The following WNT2 variants were observed in gnomAD, a reference collection of about 807,000 sequenced individuals.
WNT2 encodes Wnt family member 2.
A neutral mutation model predicts 36.9 loss-of-function variants in WNT2; 12 were observed. The ratio of observed to expected loss-of-function variants is 0.33; its 90% CI spans 0.21 to 0.53. WNT2 has a LOEUF of 0.53. Among genes scored for constraint, WNT2 ranks in the 20% least tolerant of loss-of-function variants. The pLI, the probability that WNT2 is intolerant of heterozygous loss-of-function variation, is 0.95. For missense variants in WNT2, 379 were observed against 473.1 expected (o/e 0.80, Z 1.84); for synonymous variants, 163 against 174.6 (o/e 0.93, Z 0.52).
intron 1 of WNT2, among the ~76,000 whole-genome samples, chr7:117,321,604 C>T (rs1035405488): frequency 6.6e-6 from 1 of 152,220 alleles, no homozygotes; most frequent in South Asian, 2.1e-4. Flanking sequence ...TCTTTTGAAG[C>T]GATCAAACAA....
intron 2 of WNT2, among the ~76,000 whole-genome samples, chr7:117,319,531 G>A (rs886260852): frequency 4.1e-5 from 6 of 145,636 alleles, no homozygotes; most frequent in African/African-American, 1.5e-4. Flanking sequence ...TTGGGGGGGG[G>A]GGTAGGCAAA....
At chr7:117,300,790 C>T (rs1010556171) in intron 3 of WNT2, 1 of 152,176 alleles carries the variant, frequency 6.6e-6, no homozygotes, top group African/African-American at 2.4e-5. Context: ...CAGAGTGAGA[C>T]CTTGTCTCAA....
At chr7:117,307,319 G>A (rs1370546250) in intron 3 of WNT2, among the ~76,000 whole-genome samples, 2 of 152,116 alleles carry the variant, frequency 1.3e-5, no homozygotes, top group Admixed American at 6.6e-5. Context: ...TACCACGTAA[G>A]GTATATACTA....
intron 4 of WNT2, among the ~76,000 whole-genome samples, chr7:117,292,418 G>A (rs190722284): frequency 1.1e-3 from 174 of 152,242 alleles, no homozygotes; most frequent in African/African-American, 4.1e-3. Flanking sequence ...TAACTTTGCG[G>A]AACCTCACTT....
chr7:117,317,590 G>A (rs527909220), intron 2 of WNT2, among the ~76,000 whole-genome samples: 3 of 152,310 alleles, frequency 2.0e-5, no homozygotes, highest in African/African-American at 7.2e-5. Flanking sequence ...CATTTCAAGA[G>A]CTGGCTTTGT....
At position 117,278,394 on chromosome 7, in the gene WNT2, A is replaced by G; in HGVS notation, c.854-10T>C. 2.5e-6 allele frequency: 4 copies of G among 1,610,364 alleles called. No homozygotes were observed. The highest frequency in any genetic ancestry group is 3.4e-6 in the Non-Finnish European group (4 of 1,178,170). Reference sequence around the variant, plus strand: ...GCTGTACCCAGGGAGCCTGGAAGACAAGCCAGGGAGTGTTACTGAAAAGGT... The same window carrying G: ...GCTGTACCCAGGGAGCCTGGAAGACGAGCCAGGGAGTGTTACTGAAAAGGT... On this transcript the variant is annotated splice_polypyrimidine_tract_variant and intron_variant, in intron 4 of 4. Transcript: ENST00000265441.
At chr7:117,315,382 G>A (rs766933536) in intron 2 of WNT2, 34 bp from the exon 3 acceptor site, 15 of 1,587,094 alleles carry the variant, frequency 9.5e-6, no homozygotes, top group South Asian at 3.5e-5. Flanking sequence ...AAAGTGGTCC[G>A]GTAGCACTAT....
Position 117,277,093 on chromosome 7 carries a change from A to G in WNT2, c.*1062T>C, listed in dbSNP as rs1177200615. The G allele has an allele frequency of 2.0e-5, 3 of 152,762 alleles. No homozygotes were observed. Among genetic ancestry groups the G allele is most frequent in the African/African-American group, 4.8e-5 (2 of 41,450 alleles). The allele number at this position is 152,762 out of a possible 1,614,324, so 9.5% of individuals were successfully genotyped here. Reference sequence around the variant, plus strand: ...GCCGACTTCTTTCAGGCATCTGCTTATTGTAAGGCCGCCCCAGGCACGAGT... The same window carrying G: ...GCCGACTTCTTTCAGGCATCTGCTTGTTGTAAGGCCGCCCCAGGCACGAGT... On this transcript the variant is annotated 3_prime_UTR_variant, in exon 5 of 5. Transcript: ENST00000265441.
chr7:117,308,511 T>C (rs1022562388), intron 3 of WNT2, among the ~76,000 whole-genome samples: 1 of 152,228 alleles, frequency 6.6e-6, no homozygotes, highest in Non-Finnish European at 1.5e-5. Context: ...TTGGTTCATA[T>C]GATAAATAAA....
chr7:117,277,787 C>A lies in WNT2; in HGVS notation c.*368G>T, dbSNP rs1175043341. On this transcript the variant is annotated 3_prime_UTR_variant, in exon 5 of 5. Transcript: ENST00000265441. ...TTGTGGGAAGACATTGAGAAAGCTC[C>A]TTTGAGACACTTTTTTTTCTGCTTG... The A allele has an allele frequency of 2.8e-5, 6 of 217,084 alleles. No homozygotes were observed. Among genetic ancestry groups the A allele is most frequent in the Non-Finnish European group, 5.6e-5 (6 of 108,038 alleles). 13.4% of individuals were successfully genotyped at this position (217,084 alleles called of 1,614,324 possible).
chr7:117,301,802 C>CTTTTT lies in WNT2; in HGVS notation c.589-3931_589-3927dup, dbSNP rs1181700612. On this transcript the variant is annotated intron_variant, in intron 3 of 4. Transcript: ENST00000265441. ...ATTATGCATTCTGTTTCCCTCCATT[C>CTTTTT]TTTTTTTTTTTTTTTTTTTTTTGAG... Among the ~76,000 whole-genome samples the CTTTTT allele has an allele frequency of 1.1e-3, 122 of 112,482 alleles. 1 individual carries two copies. The highest frequency in any genetic ancestry group is 2.3e-3 in the African/African-American group (64 of 27,790). The allele number at this position is 112,482 out of a possible 152,430, so 73.8% of individuals were successfully genotyped here. A position where few individuals can be genotyped will look rare whatever the true frequency, so the allele number is the denominator to read the frequency against.
intron 4 of WNT2, among the ~76,000 whole-genome samples, chr7:117,286,651 A>G (rs1333931973): frequency 6.6e-6 from 1 of 152,208 alleles, no homozygotes; most frequent in African/African-American, 2.4e-5. Context: ...CATTAATGAC[A>G]CAGATTTATT....
intron 3 of WNT2, among the ~76,000 whole-genome samples, chr7:117,299,476 C>T (rs1398490868): frequency 5.3e-5 from 8 of 151,380 alleles, no homozygotes; most frequent in African/African-American, 1.9e-4. Context: ...TACTGCTCCT[C>T]CTCTTCTTTC....
At chr7:117,295,088 C>G (rs1390635653) in intron 4 of WNT2, among the ~76,000 whole-genome samples, 1 of 151,788 alleles carries the variant, frequency 6.6e-6, no homozygotes, top group African/African-American at 2.4e-5. Flanking sequence ...GAGACTCTGT[C>G]TCAAAAAAAG....
At chr7:117,309,460 T>C (rs989867812) in intron 3 of WNT2, among the ~76,000 whole-genome samples, 3 of 152,084 alleles carry the variant, frequency 2.0e-5, no homozygotes, top group Admixed American at 6.5e-5. Flanking sequence ...CCATAGAAAA[T>C]ACAGGATGCC....
intron 4 of WNT2, among the ~76,000 whole-genome samples, chr7:117,289,589 C>T: frequency 6.6e-6 from 1 of 152,206 alleles, no homozygotes; most frequent in African/African-American, 2.4e-5. Context: ...AGCGCTAACA[C>T]ACAGAAGAAT....
At chr7:117,293,088 G>A (rs1426698915) in intron 4 of WNT2, among the ~76,000 whole-genome samples, 1 of 152,032 alleles carries the variant, frequency 6.6e-6, no homozygotes, top group Non-Finnish European at 1.5e-5. Flanking sequence ...TGCTACTGCA[G>A]TCTGGGCAAC....
In WNT2 at chr7:117,275,691, G is replaced by A. The variant is rs1391524397; in HGVS notation, c.*2464C>T. Among the ~76,000 whole-genome samples the A allele has an allele frequency of 6.6e-6, 1 of 152,202 alleles. No individual in the cohort carries two copies. Among genetic ancestry groups the A allele is most frequent in the Non-Finnish European group, 1.5e-5 (1 of 68,038 alleles). ...ATCCTCTACCAAGCTCTAAGGCAAA[G>A]GAGTTTAAAATTACCTTCATTTGTT... On this transcript the variant is annotated 3_prime_UTR_variant, in exon 5 of 5. Coordinates refer to ENST00000265441, the MANE Select transcript of WNT2 (RefSeq NM_003391.3).
intron 2 of WNT2, among the ~76,000 whole-genome samples, chr7:117,318,330 G>A: frequency 6.6e-6 from 1 of 152,128 alleles, no homozygotes; most frequent in South Asian, 2.1e-4. Context: ...GCCAAATTCA[G>A]CCCTCCCATA....
Sources: gnomAD v4.1 joint callset for allele counts (sites outside exome capture counted in the v4.1 genomes callset) on GRCh38, gnomAD v4.1.1 for gene constraint, MANE v1.5 for transcripts, NCBI Gene and HGNC (gene_info 2026-07-23, HGNC 2026-07-21) for gene names.